The following NTRK2 variants were observed in gnomAD, a reference collection of about 807,000 sequenced individuals.
NTRK2 encodes BDNF/NT-3 growth factors receptor.
Under a neutral mutation model 94.5 loss-of-function variants are expected in NTRK2, and 13 were observed. That is an observed-to-expected ratio of 0.14 (90% confidence interval 0.09 to 0.22). The LOEUF is 0.22. Among genes scored for constraint, NTRK2 ranks in the 10% least tolerant of loss-of-function variants. The probability of loss-of-function intolerance (pLI) is 1.00; values close to 1 mark genes in which losing one functional copy is unlikely to be tolerated. For missense variants in NTRK2, 639 were observed against 1,071.2 expected, an observed-to-expected ratio of 0.60 and a Z score of 5.63; for synonymous variants, 372 against 407.4, an observed-to-expected ratio of 0.91 and a Z score of 1.05.
intron 15 of NTRK2, among the ~76,000 whole-genome samples, chr9:84,936,466 C>T (rs780220874): frequency 2.0e-5 from 3 of 152,146 alleles, no homozygotes; most frequent in African/African-American, 4.8e-5. Flanking sequence ...TTCCTGCCCA[C>T]GGCATGCTTC....
intron 14 of NTRK2, among the ~76,000 whole-genome samples, chr9:84,868,427 G>A (rs898700426): frequency 1.3e-5 from 2 of 152,122 alleles, no homozygotes; most frequent in South Asian, 4.1e-4. Context: ...GGAAATATCT[G>A]TAACTTCATC....
chr9:84,779,484 GA>G (rs2067358058), intron 12 of NTRK2, among the ~76,000 whole-genome samples: 1 of 152,344 alleles, frequency 6.6e-6, no homozygotes, highest in South Asian at 2.1e-4. Context: ...AAATAGAAGT[GA>G]ATCTTAAAAG....
Position 84,741,928 on chromosome 9 carries a change from G to T in NTRK2, c.1195+1G>T. 6.2e-7 allele frequency: 1 copy of T among 1,610,782 alleles called. No individual in the cohort carries two copies. On this transcript the variant is annotated splice_donor_variant, in intron 10 of 18. Coordinates refer to ENST00000277120, the MANE Select transcript of NTRK2 (RefSeq NM_006180.6). LOFTEE classifies it high-confidence loss of function. ...AATTATCCTGATGTAATTTATGAAGGTAGCTATCGTGTTTTCTACTTTGTA... is the reference window on the plus strand; with the variant it reads ...AATTATCCTGATGTAATTTATGAAGTTAGCTATCGTGTTTTCTACTTTGTA...
intron 17 of NTRK2, among the ~76,000 whole-genome samples, chr9:84,975,660 A>G (rs1485606068): frequency 6.6e-6 from 1 of 152,182 alleles, no homozygotes; most frequent in Non-Finnish European, 1.5e-5. Flanking sequence ...CAGTGCAACA[A>G]TATTAATAGT....
chr9:84,977,401 C>G (rs1024182840), intron 17 of NTRK2, among the ~76,000 whole-genome samples: 1 of 152,108 alleles, frequency 6.6e-6, no homozygotes, highest in African/African-American at 2.4e-5. Flanking sequence ...TGCAAAAAAA[C>G]ATGGTTCTAA....
chr9:84,978,422 G>A (rs1190982296), intron 17 of NTRK2, among the ~76,000 whole-genome samples: 1 of 152,146 alleles, frequency 6.6e-6, no homozygotes, highest in Non-Finnish European at 1.5e-5. Flanking sequence ...GCCAAATTTA[G>A]AAAAAGGCTC....
In NTRK2 at chr9:84,726,343, C is replaced by T. The variant is rs146448022; in HGVS notation, c.854-1311C>T. 3.5e-3 allele frequency among the ~76,000 whole-genome samples: 527 copies of T among 152,190 alleles called. 6 individuals are homozygous for T. The highest frequency in any genetic ancestry group is 0.011 in the African/African-American group (477 of 41,540). ...CTCTACTAGAAATACTAATATTAGC[C>T]GGTCACGATGGCAGGCGCCTGTAAT... On this transcript the variant is annotated intron_variant, in intron 8 of 18. Coordinates refer to ENST00000277120, the MANE Select transcript of NTRK2 (RefSeq NM_006180.6).
intron 17 of NTRK2, among the ~76,000 whole-genome samples, chr9:84,957,845 G>T (rs1824344299): frequency 6.6e-6 from 1 of 152,170 alleles, no homozygotes; most frequent in African/African-American, 2.4e-5. Flanking sequence ...CAAGTTTATT[G>T]TCCATCAACT....
chr9:84,763,798 A>T (rs2065804238), intron 12 of NTRK2, among the ~76,000 whole-genome samples: 1 of 152,104 alleles, frequency 6.6e-6, no homozygotes, highest in South Asian at 2.1e-4. Flanking sequence ...CTTATATATC[A>T]AACCAAGATC....
chr9:84,795,906 G>A (rs2069263820), intron 12 of NTRK2, among the ~76,000 whole-genome samples: 1 of 151,876 alleles, frequency 6.6e-6, no homozygotes, highest in Non-Finnish European at 1.5e-5. Context: ...CTTGCATAGA[G>A]TTCCAGGTGC....
chr9:84,682,429 A>G (rs1266422944), intron 2 of NTRK2, among the ~76,000 whole-genome samples: 1 of 152,174 alleles, frequency 6.6e-6, no homozygotes, highest in East Asian at 1.9e-4. Context: ...CAAAGAGTGT[A>G]CCTTCACTCT....
intron 13 of NTRK2, among the ~76,000 whole-genome samples, chr9:84,865,785 C>T (rs1415745190): frequency 3.3e-5 from 5 of 152,202 alleles, no homozygotes; most frequent in East Asian, 3.8e-4. Flanking sequence ...TGCCAGTAGT[C>T]GGGTCAGTGG....
intron 14 of NTRK2, among the ~76,000 whole-genome samples, chr9:84,924,058 A>T (rs2077658337): frequency 6.6e-6 from 1 of 151,898 alleles, no homozygotes; most frequent in African/African-American, 2.4e-5. Flanking sequence ...ACCTCAATGG[A>T]GGTTTATGGC....
rs76025602 is a variant in NTRK2 at position 84,880,453 on chromosome 9, C to T, written c.1633+13022C>T. Among the ~76,000 whole-genome samples, 710 of 152,312 alleles carry T rather than the reference C, an allele frequency of 4.7e-3. 13 individuals are homozygous for T. Among genetic ancestry groups the T allele is most frequent in the Admixed American group, 0.038 (576 of 15,298 alleles). On this transcript the variant is annotated intron_variant, in intron 14 of 18. Coordinates refer to ENST00000277120, the MANE Select transcript of NTRK2 (RefSeq NM_006180.6). ...CATCGCAGAGGACAGACAAGTACTCCTCTGGCTCACCTTCTACAACTCGTT... is the reference window on the plus strand; with the variant it reads ...CATCGCAGAGGACAGACAAGTACTCTTCTGGCTCACCTTCTACAACTCGTT...
At chr9:84,812,777 A>T in intron 12 of NTRK2, 1 of 1,040,270 alleles carries the variant, frequency 9.6e-7, no homozygotes, top group Non-Finnish European at 1.2e-6. Flanking sequence ...AAATAAAAAA[A>T]AAGGAATATT....
intron 17 of NTRK2, among the ~76,000 whole-genome samples, chr9:85,011,829 C>T (rs1831605856): frequency 6.6e-6 from 1 of 152,096 alleles, no homozygotes. Flanking sequence ...TGGTCCTGAC[C>T]TATACTCTCT....
intron 12 of NTRK2, among the ~76,000 whole-genome samples, chr9:84,827,514 G>A (rs2073263361): frequency 6.6e-6 from 1 of 152,180 alleles, no homozygotes; most frequent in Non-Finnish European, 1.5e-5. Flanking sequence ...CAGAGGTTAT[G>A]TGAAATCTCC....
intron 6 of NTRK2, among the ~76,000 whole-genome samples, chr9:84,722,345 C>T (rs530233206): frequency 6.6e-6 from 1 of 151,808 alleles, no homozygotes; most frequent in Non-Finnish European, 1.5e-5. Flanking sequence ...AAATCTTATT[C>T]CAGTCTGATT....
At chr9:84,993,233 G>A (rs76104122) in intron 17 of NTRK2, among the ~76,000 whole-genome samples, 4,480 of 152,110 alleles carry the variant, frequency 0.029, 161 homozygotes, top group African/African-American at 0.078. Context: ...TTCTCCAGGC[G>A]TCAGTGACCA....
Sources: allele counts gnomAD v4.1 joint callset (sites outside exome capture counted in the v4.1 genomes callset), GRCh38; gene constraint gnomAD v4.1.1; transcripts MANE v1.5; gene names NCBI Gene and HGNC (gene_info 2026-07-23, HGNC 2026-07-21).